HAPSTR1: variants seen among roughly 807,000 people sequenced by gnomAD.
HAPSTR1 encodes HUWE1 associated protein modifying stress responses.
At chr16:9,098,564 C>G in the HAPSTR1 span, among the ~76,000 whole-genome samples, 1 of 152,008 alleles carries the variant, frequency 6.6e-6, no homozygotes, top group African/African-American at 2.4e-5. Context: ...CACCTGTAGT[C>G]CAGCACTTGA....
the HAPSTR1 span, chr16:9,120,464 G>C: frequency 6.6e-6 from 1 of 151,314 alleles, no homozygotes; most frequent in Non-Finnish European, 1.5e-5. Flanking sequence ...GAGATATCCA[G>C]GGTTTTACTT....
the HAPSTR1 span, among the ~76,000 whole-genome samples, chr16:9,115,670 T>C: frequency 1.2e-4 from 19 of 152,208 alleles, no homozygotes; most frequent in Non-Finnish European, 2.4e-4. Context: ...TCACCCAGGA[T>C]GGAGTGCAGT....
the HAPSTR1 span, among the ~76,000 whole-genome samples, chr16:9,099,119 G>A: frequency 4.4e-5 from 6 of 136,026 alleles, no homozygotes; most frequent in African/African-American, 1.8e-4. Flanking sequence ...AGTTTCCCAT[G>A]CTTATATAAA....
chr16:9,098,256 C>G, the HAPSTR1 span, among the ~76,000 whole-genome samples: 448 of 152,276 alleles, frequency 2.9e-3, 1 homozygote, highest in African/African-American at 0.01. Context: ...TTGCTTGAAC[C>G]TGGGAGGCGG....
the HAPSTR1 span, chr16:9,106,403 C>T: frequency 6.6e-6 from 1 of 151,852 alleles, no homozygotes; most frequent in Non-Finnish European, 1.5e-5. Flanking sequence ...CCTCAGTCTC[C>T]CGAGTAGCTG....
chr16:9,100,685 C>T, the HAPSTR1 span, among the ~76,000 whole-genome samples: 48 of 152,158 alleles, frequency 3.2e-4, no homozygotes, highest in African/African-American at 1.1e-3. Context: ...AGGTGCCTAC[C>T]ACCCATGCCT....
chr16:9,103,521 G>T, the HAPSTR1 span: 4 of 415,626 alleles, frequency 9.6e-6, no homozygotes, highest in African/African-American at 4.1e-5. Flanking sequence ...GTGTTGATTA[G>T]AATTTATCGC....
chr16:9,103,500 A>G, the HAPSTR1 span: 25 of 482,168 alleles, frequency 5.2e-5, no homozygotes, highest in South Asian at 3.1e-4. Flanking sequence ...AAAATGACAT[A>G]TCTTTCTGCA....
the HAPSTR1 span, among the ~76,000 whole-genome samples, chr16:9,098,389 G>C: frequency 4.6e-5 from 7 of 152,310 alleles, no homozygotes; most frequent in South Asian, 1.5e-3. Flanking sequence ...TGTGTGCTAG[G>C]TGAAGATTAA....
chr16:9,119,452 G>C, the HAPSTR1 span: 1 of 152,230 alleles, frequency 6.6e-6, no homozygotes, highest in African/African-American at 2.4e-5. Flanking sequence ...GATTCTTTTA[G>C]ACGTCATAGC....
the HAPSTR1 span, chr16:9,118,955 C>G: frequency 6.6e-6 from 1 of 152,622 alleles, no homozygotes. Flanking sequence ...GTACCCTTTA[C>G]TCTGAATTGT....
At chr16:9,111,906 GA>G in the HAPSTR1 span, 51 of 78,922 alleles carry the variant, frequency 6.5e-4, no homozygotes, top group African/African-American at 5.7e-3. Flanking sequence ...CTGCATATAT[GA>G]TTACTGTATC....
the HAPSTR1 span, chr16:9,103,333 G>C: frequency 1.3e-6 from 2 of 1,482,912 alleles, no homozygotes; most frequent in East Asian, 2.3e-5. Context: ...TCACGGTTAG[G>C]TTTAGGTCCA....
chr16:9,091,788 G>T, the HAPSTR1 span: 1 of 369,854 alleles, frequency 2.7e-6, no homozygotes, highest in East Asian at 3.8e-5. Flanking sequence ...GGCGGCAGCG[G>T]TTATCTGGTC....
chr16:9,119,780 A>G, the HAPSTR1 span: 1 of 152,264 alleles, frequency 6.6e-6, no homozygotes, highest in South Asian at 2.1e-4. Context: ...GGCTTTTAAA[A>G]AAGAATTAGC....
At chr16:9,111,654 C>T in the HAPSTR1 span, 1 of 152,058 alleles carries the variant, frequency 6.6e-6, no homozygotes, top group African/African-American at 2.4e-5. Context: ...TGTAGCATGC[C>T]TCAAAGCCAG....
chr16:9,096,829 T>C, the HAPSTR1 span, among the ~76,000 whole-genome samples: 1 of 151,954 alleles, frequency 6.6e-6, no homozygotes, highest in Non-Finnish European at 1.5e-5. Flanking sequence ...TGAGATCCCG[T>C]GTCTTAAAAT....
the HAPSTR1 span, among the ~76,000 whole-genome samples, chr16:9,099,397 T>C: frequency 6.6e-6 from 1 of 152,148 alleles, no homozygotes; most frequent in Non-Finnish European, 1.5e-5. Flanking sequence ...TTCACCATGT[T>C]GGCCACGCTG....
the HAPSTR1 span, chr16:9,092,892 G>GTTTTTTTTTTTTTTTTTTGTT: frequency 7.9e-7 from 1 of 1,267,506 alleles, no homozygotes; most frequent in South Asian, 1.4e-5. Flanking sequence ...TTTCTTTTTG[G>GTTTTTTTTTTTTTTTTTTGTT]TTTTTTTTTT....
Sources: gnomAD v4.1 joint callset for allele counts (sites outside exome capture counted in the v4.1 genomes callset) on GRCh38, gnomAD v4.1.1 for gene constraint, MANE v1.5 for transcripts, NCBI Gene and HGNC (gene_info 2026-07-23, HGNC 2026-07-21) for gene names.